Variants in HTATIP2 observed in about 807,000 individuals in gnomAD.
The protein encoded by HTATIP2 is HIV-1 Tat interactive protein 2.
HTATIP2 carries 26 observed loss-of-function variants against 24.7 expected under a neutral mutation model. That is an observed-to-expected ratio of 1.05 (90% CI 0.77 to 1.46). The LOEUF (loss-of-function observed/expected upper bound fraction) is 1.46, where lower values mean the gene tolerates loss of function less well. HTATIP2 is among the 40% of genes most tolerant of loss of function. HTATIP2 has a pLI of 0.00. For missense variants in HTATIP2, 284 were observed against 289.6 expected (o/e 0.98, Z 0.14); for synonymous variants, 99 against 113.2 (o/e 0.87, Z 0.79).
chr11:20,367,056 G>C (rs2133264284), intron 1 of HTATIP2, 118 bp from the exon 2 acceptor site: 2 of 1,188,378 alleles, frequency 1.7e-6, no homozygotes, highest in East Asian at 4.8e-5. Context: ...TGTAAAATTT[G>C]ATGTTAAGTG....
chr11:20,365,072 C>T (rs576838699), intron 1 of HTATIP2, among the ~76,000 whole-genome samples: 1 of 151,388 alleles, frequency 6.6e-6, no homozygotes, highest in African/African-American at 2.4e-5. Context: ...CAACCTCTGC[C>T]TTTCAGGTTC....
At chr11:20,365,962 C>T (rs1261297651) in intron 1 of HTATIP2, among the ~76,000 whole-genome samples, 24 of 114,944 alleles carry the variant, frequency 2.1e-4, no homozygotes, top group African/African-American at 9.3e-4. Context: ...CAGAGCGAGA[C>T]TCTGTCTCAA....
chr11:20,382,304 T>G, intron 4 of HTATIP2, 65 bp downstream of exon 4: 1 of 938,194 alleles, frequency 1.1e-6, no homozygotes, highest in Non-Finnish European at 1.7e-6. Flanking sequence ...ATACTAATTT[T>G]TCATTTGGAA....
intron 1 of HTATIP2, among the ~76,000 whole-genome samples, chr11:20,365,798 C>T (rs934025532): frequency 5.3e-5 from 8 of 151,724 alleles, no homozygotes; most frequent in Non-Finnish European, 1.0e-4. Flanking sequence ...TGGTGAAACC[C>T]TGTCTCTACT....
chr11:20,367,531 A>C, intron 2 of HTATIP2: 1 of 1,431,874 alleles, frequency 7.0e-7, no homozygotes, highest in South Asian at 1.6e-5. Context: ...GATTTTGCCT[A>C]TTGTGATTAT....
At chr11:20,382,777 G>C (rs976364937) in intron 4 of HTATIP2, among the ~76,000 whole-genome samples, 7 of 151,972 alleles carry the variant, frequency 4.6e-5, no homozygotes, top group African/African-American at 1.7e-4. Flanking sequence ...CATCACACTA[G>C]TCCTATTCCA....
rs1032275418 is a variant in HTATIP2, at chr11:20,383,399, C to T, written c.*194C>T. 2.1e-5 allele frequency: 11 copies of T among 532,192 alleles called. No individual in the cohort carries two copies. Among genetic ancestry groups the T allele is most frequent in the Non-Finnish European group, 3.3e-5 (10 of 303,738 alleles). 33.0% of individuals were successfully genotyped at this position (532,192 alleles called of 1,614,324 possible). On this transcript the variant is annotated 3_prime_UTR_variant, in exon 5 of 5. Transcript: ENST00000451739. ...TTATACATATAGATCACTCAGGGAGCTTTGGAAAAATAAAGATTTGTCAGC... is the reference window on the plus strand; with the variant it reads ...TTATACATATAGATCACTCAGGGAGTTTTGGAAAAATAAAGATTTGTCAGC...
At chr11:20,372,457 C>T (rs921239889) in intron 2 of HTATIP2, among the ~76,000 whole-genome samples, 1 of 152,190 alleles carries the variant, frequency 6.6e-6, no homozygotes, top group Non-Finnish European at 1.5e-5. Flanking sequence ...GTTGTGGAGC[C>T]TATGAGGATA....
intron 3 of HTATIP2, among the ~76,000 whole-genome samples, chr11:20,377,658 T>C (rs1452072646): frequency 6.6e-6 from 1 of 152,212 alleles, no homozygotes; most frequent in Non-Finnish European, 1.5e-5. Flanking sequence ...TTCATCTCCT[T>C]TCTGCTTAAA....
intron 1 of HTATIP2, among the ~76,000 whole-genome samples, chr11:20,364,970 T>C (rs1329684870): frequency 2.7e-5 from 4 of 146,094 alleles, no homozygotes; most frequent in Non-Finnish European, 5.9e-5. Flanking sequence ...TTCCCTTCAC[T>C]CTAAGTTAAA....
chr11:20,364,319 G>C lies in HTATIP2; in HGVS notation c.82G>C (p.Gly28Arg), dbSNP rs752192706. 6.2e-7 allele frequency: 1 copy of C among 1,613,884 alleles called. No individual in the cohort carries two copies. Among genetic ancestry groups the C allele is most frequent in the Non-Finnish European group, 8.5e-7 (1 of 1,179,802 alleles). ...ATCCGTCTTTATTTTGGGCGCCAGC[G>C]GAGAAACCGGCAGAGTGCTCTTAAA... is the stretch of plus-strand genomic sequence containing the variant. The part of the protein sequence containing the change: ...NKSVFILGAS[G>R]ETGRVLLKEI... Residue 28 changes from glycine (G) to arginine (R), a missense_variant, in exon 1 of 5, where the codon GGA (glycine) becomes CGA (arginine). Gly to Arg is a moderately radical substitution (Grantham distance 125). Coordinates refer to ENST00000451739, the MANE Select transcript of HTATIP2 (RefSeq NM_001098522.2).
intron 2 of HTATIP2, among the ~76,000 whole-genome samples, chr11:20,368,042 G>A (rs1179423256): frequency 6.6e-6 from 1 of 151,950 alleles, no homozygotes; most frequent in African/African-American, 2.4e-5. Flanking sequence ...TGCATGTTCT[G>A]CATATGTATC....
At chr11:20,376,364 C>T in intron 2 of HTATIP2, 1 of 540,474 alleles carries the variant, frequency 1.9e-6, no homozygotes, top group Non-Finnish European at 3.2e-6. Flanking sequence ...TTCCTTATTG[C>T]AGTCCAGTCT....
At chr11:20,375,275 T>TA (rs568074729) in intron 2 of HTATIP2, among the ~76,000 whole-genome samples, 18 of 147,720 alleles carry the variant, frequency 1.2e-4, no homozygotes, top group Admixed American at 2.7e-4. Context: ...ATTTTTTAAT[T>TA]AAAAAAAAAA....
At chr11:20,376,330 G>A (rs1848445244) in intron 2 of HTATIP2, 2 of 475,626 alleles carry the variant, frequency 4.2e-6, no homozygotes, top group Middle Eastern at 5.4e-4. Context: ...TTTGGTGTCT[G>A]TGTTTCAATG....
At chr11:20,376,500 C>A in intron 2 of HTATIP2, 80 bp from the exon 3 acceptor site, 1 of 1,504,784 alleles carries the variant, frequency 6.6e-7, no homozygotes, top group Non-Finnish European at 9.2e-7. Context: ...GGCCTCCCAG[C>A]CTGCTACCCA....
chr11:20,367,763 T>C lies in HTATIP2; in HGVS notation c.303+482T>C, dbSNP rs76261499. 2.5e-4 allele frequency: 165 copies of C among 659,826 alleles called. 1 individual carries two copies. The East Asian group carries it at 0.012, about 46-fold the overall frequency. The allele number at this position is 659,826 out of a possible 1,614,324, so 40.9% of individuals were successfully genotyped here. ...GCACGATTCAACCAGCCTCCAGCGA[T>C]GACTCAGCCTTCAGCGATGATTCAA... On this transcript the variant is annotated intron_variant, in intron 2 of 4. Transcript: ENST00000451739.
intron 2 of HTATIP2, among the ~76,000 whole-genome samples, chr11:20,367,816 C>T (rs911624655): frequency 1.6e-4 from 24 of 152,202 alleles, no homozygotes; most frequent in South Asian, 4.1e-4. Flanking sequence ...TCTTTACTGA[C>T]GCAAAAGTCT....
At chr11:20,380,516 C>CA (rs1316032385) in intron 3 of HTATIP2, among the ~76,000 whole-genome samples, 1 of 151,772 alleles carries the variant, frequency 6.6e-6, no homozygotes, top group Non-Finnish European at 1.5e-5. Context: ...ACTAAAAATA[C>CA]AAAAAATTAG....
Sources: allele counts gnomAD v4.1 joint callset (sites outside exome capture counted in the v4.1 genomes callset), GRCh38; gene constraint gnomAD v4.1.1; transcripts MANE v1.5; gene names NCBI Gene and HGNC (gene_info 2026-07-23, HGNC 2026-07-21).